NPHP4: variants seen among roughly 807,000 people sequenced by gnomAD.
NPHP4 encodes the protein nephrocystin-4.
A neutral mutation model predicts 155.8 loss-of-function variants in NPHP4; 151 were observed. The observed-to-expected ratio is 0.97, with a 90% CI of 0.85 to 1.11. NPHP4 has a LOEUF of 1.11. NPHP4 is among the 50% of genes least tolerant of loss of function. The probability of loss-of-function intolerance (pLI) is 0.00; values close to 1 mark genes in which losing one functional copy is unlikely to be tolerated. For missense variants in NPHP4, 1,956 were observed against 1,925.7 expected, an observed-to-expected ratio of 1.02 and a Z score of -0.29; for synonymous variants, 845 against 816.8, an observed-to-expected ratio of 1.03 and a Z score of -0.59.
chr1:5,880,439 G>A, intron 18 of NPHP4, 200 bp from the exon 19 acceptor site: 3 of 567,264 alleles, frequency 5.3e-6, no homozygotes, highest in Admixed American at 6.0e-5. Flanking sequence ...TTTCAGCTAG[G>A]TCTTCATTCT....
rs951125689 is a variant in NPHP4, at chr1:5,887,416, C to T, written c.2355G>A (p.Glu785=). 2.5e-6 allele frequency: 4 copies of T among 1,613,426 alleles called. No homozygotes were observed. The African/African-American group carries it at 4.0e-5, about 16-fold the overall frequency. The change falls in exon 18 of 30, where the codon GAG becomes GAA. Residue 785 remains glutamate, a synonymous_variant. Coordinates refer to ENST00000378156, the MANE Select transcript of NPHP4 (RefSeq NM_015102.5). ...CCTGCTCGTATTCAGTTGCCACGACCTCAAGCTCGTGGGAGGCCTGCACAG... is the reference window on the plus strand; with the variant it reads ...CCTGCTCGTATTCAGTTGCCACGACTTCAAGCTCGTGGGAGGCCTGCACAG... ...RPAVQASHEL[E]VVATEYEQDN... is the part of the protein sequence containing the mutation.
rs1427862296 is a variant in NPHP4, at chr1:5,890,811, A to T, written c.2304+57T>A. On this transcript the variant is annotated intron_variant, in intron 17 of 29. Transcript: ENST00000378156. The surrounding 1 kb of genome is among the most constrained non-coding windows in gnomAD (Gnocchi z 4.9). ...CAAGCAGACAGACGCTGGAAGCGTG[A>T]CTCGTCCCATGAGGGACGCAGCACC... 2.0e-6 allele frequency: 3 copies of T among 1,525,970 alleles called. No homozygotes were observed. In the East Asian group the frequency reaches 7.1e-5, roughly 36 times the overall value. The allele number at this position is 1,525,970 out of a possible 1,614,324, so 94.5% of individuals were successfully genotyped here. A position where few individuals can be genotyped will look rare whatever the true frequency, so the allele number is the denominator to read the frequency against.
chr1:5,951,411 A>T (rs943756546), intron 7 of NPHP4, among the ~76,000 whole-genome samples: 7 of 152,102 alleles, frequency 4.6e-5, no homozygotes, highest in African/African-American at 1.4e-4. Context: ...GAAAGTGAAG[A>T]CTCTCTCATT....
At chr1:5,989,043 A>G (rs941984502) in intron 1 of NPHP4, among the ~76,000 whole-genome samples, 5 of 152,076 alleles carry the variant, frequency 3.3e-5, no homozygotes, top group African/African-American at 1.2e-4. Flanking sequence ...AATTCCATGT[A>G]TGGGGAGAGC....
At position 5,933,280 on chromosome 1, in the gene NPHP4, C is replaced by G. The variant is rs146637048; in HGVS notation, c.1169G>C (p.Arg390Pro). Reference protein sequence around the residue: ...LSNLACMHMVRWAVWNPLLEA... With the variant: ...LSNLACMHMVPWAVWNPLLEA... ...CAGCAAGGGGTTCCAAACAGCCCAG[C>G]GGACCATGTGCATGCATGCCAGGTT... The change falls in exon 10 of 30, where the codon CGC becomes CCC. Residue 390 changes from arginine to proline, a missense_variant. Coordinates refer to ENST00000378156, the MANE Select transcript of NPHP4 (RefSeq NM_015102.5). The G allele has an allele frequency of 1.2e-6, 2 of 1,613,512 alleles. No homozygotes were observed. The highest frequency in any genetic ancestry group is 1.7e-5 in the Admixed American group (1 of 60,006).
At chr1:5,936,552 C>T (rs1407117317) in intron 9 of NPHP4, among the ~76,000 whole-genome samples, 1 of 151,936 alleles carries the variant, frequency 6.6e-6, no homozygotes, top group Non-Finnish European at 1.5e-5. Context: ...CACCGAATTG[C>T]TCCCATTTAG....
At chr1:5,958,498 C>T (rs1649659683) in intron 6 of NPHP4, among the ~76,000 whole-genome samples, 1 of 152,158 alleles carries the variant, frequency 6.6e-6, no homozygotes, top group Non-Finnish European at 1.5e-5. Flanking sequence ...AGTTCGAGAC[C>T]TGCCTGGCCA....
intron 1 of NPHP4, among the ~76,000 whole-genome samples, chr1:5,988,762 G>T: frequency 6.6e-6 from 1 of 151,532 alleles, no homozygotes; most frequent in Non-Finnish European, 1.5e-5. Context: ...CCAGGGTCCC[G>T]CCTCCACCCA....
intron 12 of NPHP4, 49 bp downstream of exon 12, chr1:5,909,103 G>A (rs941114846): frequency 2.1e-6 from 3 of 1,432,072 alleles, no homozygotes; most frequent in Non-Finnish European, 2.9e-6. Flanking sequence ...TTTCTTGCAA[G>A]TAATTGACTC....
Position 5,873,265 on chromosome 1 carries a change from G to A in NPHP4, c.3302C>T (p.Thr1101Ile). Reference protein sequence around the residue: ...VSPWKSSAVPTKHAKVLFRAS... With the variant: ...VSPWKSSAVPIKHAKVLFRAS... Reference sequence around the variant, plus strand: ...TTGCCCCTTTACCTTGGCGTGTTTAGTGGGCACTGCGCTGGACTTCCAAGG... The same window carrying A: ...TTGCCCCTTTACCTTGGCGTGTTTAATGGGCACTGCGCTGGACTTCCAAGG... Residue 1101 changes from threonine to isoleucine, a missense_variant, in exon 23 of 30, where the codon ACT (threonine) becomes ATT (isoleucine). Transcript: ENST00000378156. 6.2e-7 allele frequency: 1 copy of A among 1,613,716 alleles called. No individual in the cohort carries two copies. The highest frequency in any genetic ancestry group is 8.5e-7 in the Non-Finnish European group (1 of 1,179,618).
chr1:5,971,534 G>A (rs76313816), intron 3 of NPHP4, among the ~76,000 whole-genome samples: 4,634 of 152,190 alleles, frequency 0.03, 77 homozygotes, highest in African/African-American at 0.047. Context: ...CTCGAGCCTC[G>A]AAGGCTTCAT....
At chr1:5,971,487 T>A (rs1013626959) in intron 3 of NPHP4, among the ~76,000 whole-genome samples, 1 of 152,178 alleles carries the variant, frequency 6.6e-6, no homozygotes, top group Non-Finnish European at 1.5e-5. Flanking sequence ...AAAGAATTTA[T>A]AACGAACCTG....
intron 12 of NPHP4, 58 bp downstream of exon 12, chr1:5,909,094 T>C: frequency 2.2e-6 from 3 of 1,377,406 alleles, no homozygotes; most frequent in Non-Finnish European, 3.0e-6. Flanking sequence ...ACAGAGGGTT[T>C]TCTTGCAAGT....
chr1:5,924,127 A>G (rs913521960), intron 11 of NPHP4, among the ~76,000 whole-genome samples: 5 of 152,218 alleles, frequency 3.3e-5, no homozygotes, highest in African/African-American at 4.8e-5. Context: ...ATGGCAGATC[A>G]GACACTCCAG....
chr1:5,986,246 G>C lies in NPHP4; in HGVS notation c.44C>G (p.Pro15Arg), dbSNP rs765503010. The change falls in exon 2 of 30, where the codon CCT (proline) becomes CGT (arginine). Residue 15 changes from proline (P) to arginine (R), a missense_variant. Coordinates refer to ENST00000378156, the MANE Select transcript of NPHP4 (RefSeq NM_015102.5). Reference protein sequence around the residue: ...HRIFTQNVLVPPHPQRARQPW... With the variant: ...HRIFTQNVLVRPHPQRARQPW... ...CTGGCGCGCTCTCTGTGGGTGGGGA[G>C]GGACAAGCACGTTTTGGGTGAAGAT... The C allele has an allele frequency of 1.2e-6, 2 of 1,613,748 alleles. No homozygotes were observed. The highest frequency in any genetic ancestry group is 1.1e-5 in the South Asian group (1 of 91,030).
chr1:5,905,915 G>T lies in NPHP4; in HGVS notation c.1612-132C>A, dbSNP rs931643151. The T allele has an allele frequency of 2.0e-5, 15 of 746,452 alleles. No individual in the cohort carries two copies. The highest frequency in any genetic ancestry group is 1.9e-4 in the African/African-American group (11 of 56,542). The allele number at this position is 746,452 out of a possible 1,614,324, so 46.2% of individuals were successfully genotyped here. A position where few individuals can be genotyped will look rare whatever the true frequency, so the allele number is the denominator to read the frequency against. On this transcript the variant is annotated intron_variant, in intron 13 of 29. Transcript: ENST00000378156. This position sits in a 1 kb window ranked among gnomAD's most constrained non-coding sequence, Gnocchi z 4.0. Reference sequence around the variant, plus strand: ...TTGCCAGCTCTAGCAAATACAAAAGGTTCAATTACACTTGAATTTCAGGTA... The same window carrying T: ...TTGCCAGCTCTAGCAAATACAAAAGTTTCAATTACACTTGAATTTCAGGTA...
rs766073255 is a variant in NPHP4, at chr1:5,874,920, T to G, written c.2998A>C (p.Asn1000His). Residue 1000 changes from asparagine to histidine, a missense_variant, in exon 21 of 30, where the codon AAC becomes CAC. Physicochemically the swap from Asn to His is moderately conservative, Grantham distance 68 (BLOSUM62 1). Coordinates refer to ENST00000378156, the MANE Select transcript of NPHP4 (RefSeq NM_015102.5). ...TCCACAGTCACCGTGTGCTGTGTGT[T>G]GTGGGGGTTCTTAAGCACAAACTCA... is the stretch of plus-strand genomic sequence containing the variant. ...FFEFVLKNPHNTQHTVTVEID... is the reference protein window; with the variant it reads ...FFEFVLKNPHHTQHTVTVEID... 6.2e-7 allele frequency: 1 copy of G among 1,613,604 alleles called. No homozygotes were observed.
intron 1 of NPHP4, among the ~76,000 whole-genome samples, chr1:5,986,936 G>A (rs867654596): frequency 3.5e-4 from 54 of 152,154 alleles, no homozygotes; most frequent in African/African-American, 1.3e-3. Context: ...GGGACCCAGG[G>A]AGCATGAGAG....
At chr1:5,969,057 A>G in intron 4 of NPHP4, 30 bp downstream of exon 4, 1 of 1,433,280 alleles carries the variant, frequency 7.0e-7, no homozygotes, top group East Asian at 2.5e-5. Context: ...ACGCTGGAAA[A>G]CCCCAGGGTT....
Sources: allele counts gnomAD v4.1 joint callset (sites outside exome capture counted in the v4.1 genomes callset), GRCh38; gene constraint gnomAD v4.1.1; non-coding constraint Gnocchi (gnomAD v3.1); transcripts MANE v1.5; gene names NCBI Gene and HGNC (gene_info 2026-07-23, HGNC 2026-07-21).